Variants in SASH1 observed in about 807,000 individuals in gnomAD.
The protein encoded by SASH1 is SAM and SH3 domain containing 1.
Under a neutral mutation model 125.2 loss-of-function variants are expected in SASH1, and 44 were observed. That is an observed-to-expected ratio of 0.35 (90% CI 0.28 to 0.45). The LOEUF (loss-of-function observed/expected upper bound fraction) is 0.45. Among genes scored for constraint, SASH1 ranks in the 20% least tolerant of loss-of-function variants. The probability of loss-of-function intolerance (pLI) is 1.00; values close to 1 mark genes in which losing one functional copy is unlikely to be tolerated. For synonymous variants in SASH1, 639 were observed against 649.1 expected (o/e 0.98, Z 0.24); for missense variants, 1,426 against 1,614.5 (o/e 0.88, Z 2.00).
chr6:148,495,700 C>T lies in SASH1; in HGVS notation c.729+7985C>T, dbSNP rs1779279226. The stretch of plus-strand genomic sequence containing the variant: ...TTTATAGTTTTGCTGACTTGGATGG[C>T]AGTGAATATTGATTAGATGCATAAA... On this transcript the variant is annotated intron_variant, in intron 8 of 19. Coordinates refer to ENST00000367467, the MANE Select transcript of SASH1 (RefSeq NM_015278.5). The surrounding 1 kb of genome is among the most constrained non-coding windows in gnomAD (Gnocchi z 4.0). 6.6e-6 allele frequency among the ~76,000 whole-genome samples: 1 copy of T among 152,160 alleles called. No homozygotes were observed. Among genetic ancestry groups the T allele is most frequent in the Non-Finnish European group, 1.5e-5 (1 of 68,038 alleles).
At chr6:148,388,213 C>T (rs1189956709) in intron 1 of SASH1, among the ~76,000 whole-genome samples, 1 of 152,184 alleles carries the variant, frequency 6.6e-6, no homozygotes, top group Non-Finnish European at 1.5e-5. Context: ...CTGCGCCCGG[C>T]CCAGGTTCTG....
At chr6:148,205,000 A>G in the SASH1 span, among the ~76,000 whole-genome samples, 3 of 152,084 alleles carry the variant, frequency 2.0e-5, no homozygotes, top group Non-Finnish European at 4.4e-5. Flanking sequence ...AGATTGGGGT[A>G]TTATCTCTGT....
the SASH1 span, among the ~76,000 whole-genome samples, chr6:148,256,193 G>C: frequency 3.9e-4 from 60 of 152,152 alleles, no homozygotes; most frequent in Admixed American, 7.9e-4. Flanking sequence ...GCCATGGTCT[G>C]TAACTTGACA....
intron 1 of SASH1, among the ~76,000 whole-genome samples, chr6:148,330,284 T>C (rs924384100): frequency 6.6e-5 from 10 of 152,338 alleles, no homozygotes; most frequent in African/African-American, 2.4e-4. Context: ...CTGGGATTAA[T>C]TACGTGAGTG....
At chr6:148,376,611 T>G (rs1340427988) in intron 1 of SASH1, among the ~76,000 whole-genome samples, 2 of 151,970 alleles carry the variant, frequency 1.3e-5, no homozygotes, top group African/African-American at 4.8e-5. Context: ...CCTGTAATCC[T>G]AGCACTTTGG....
chr6:148,265,059 A>T, the SASH1 span, among the ~76,000 whole-genome samples: 21 of 152,358 alleles, frequency 1.4e-4, no homozygotes, highest in African/African-American at 5.0e-4. Context: ...TCTTTGTAGT[A>T]TATATAATAG....
In SASH1 at chr6:148,548,415, G is replaced by A. The variant is rs763573826; in HGVS notation, c.3601G>A (p.Ala1201Thr). The A allele has an allele frequency of 8.1e-6, 13 of 1,614,046 alleles. No homozygotes were observed. The East Asian group carries it at 1.1e-4, about 14-fold the overall frequency. The stretch of plus-strand genomic sequence containing the variant: ...CATGTACGCCGGCACCCTCTCCACC[G>A]CGGGCTTCAGCACACTGAGCCAAGT... ...LPMYAGTLST[A>T]GFSTLSQVPS... Residue 1201 changes from alanine (A) to threonine (T), a missense_variant, in exon 20 of 20, where the codon GCG (alanine) becomes ACG (threonine). This residue lies in a region of SASH1 where 634 missense variants were observed against 694.4 expected (regional missense o/e 0.91). Transcript: ENST00000367467.
chr6:148,517,648 T>TA (rs576488770), intron 9 of SASH1, among the ~76,000 whole-genome samples: 44 of 152,270 alleles, frequency 2.9e-4, no homozygotes, highest in African/African-American at 8.9e-4. Context: ...TGGGAAGCGT[T>TA]TGCTACATTT....
In SASH1 at chr6:148,468,699, G is replaced by A; in HGVS notation, c.427+114G>A. 3 of 674,140 alleles carry A rather than the reference G, an allele frequency of 4.5e-6. No individual in the cohort carries two copies. The South Asian group carries it at 6.2e-5, about 14-fold the overall frequency. 41.8% of individuals were successfully genotyped at this position (674,140 alleles called of 1,614,324 possible). A position where few individuals can be genotyped will look rare whatever the true frequency, so the allele number is the denominator to read the frequency against. On this transcript the variant is annotated intron_variant, in intron 5 of 19. Transcript: ENST00000367467. The stretch of plus-strand genomic sequence containing the variant: ...ATCCTTCTACTCAGAAATAAACACT[G>A]TTAAGATTTTGATGTACATCCTTAT...
the SASH1 span, among the ~76,000 whole-genome samples, chr6:148,255,125 T>C: frequency 6.6e-6 from 1 of 152,178 alleles, no homozygotes; most frequent in Admixed American, 6.5e-5. Context: ...ACATATTGCA[T>C]GAGTCCACTG....
the SASH1 span, among the ~76,000 whole-genome samples, chr6:148,234,802 G>A: frequency 6.6e-6 from 1 of 151,672 alleles, no homozygotes; most frequent in South Asian, 2.1e-4. Context: ...ACTCCAGCCT[G>A]GGCAAGAAGA....
At chr6:148,320,980 G>C (rs538906142) in intron 1 of SASH1, among the ~76,000 whole-genome samples, 2 of 152,308 alleles carry the variant, frequency 1.3e-5, no homozygotes, top group Admixed American at 6.5e-5. Context: ...CTTCCATAAT[G>C]CCTCAAGGCT....
chr6:148,283,174 C>T (rs559528906), intron 1 of SASH1, among the ~76,000 whole-genome samples: 1 of 152,178 alleles, frequency 6.6e-6, no homozygotes, highest in African/African-American at 2.4e-5. Flanking sequence ...ACTGTCCTCC[C>T]GTCTAGCTGA....
Position 148,417,116 on chromosome 6 carries a change from C to T in SASH1, c.286-23068C>T, listed in dbSNP as rs141555284. On this transcript the variant is annotated intron_variant, in intron 2 of 19. Coordinates refer to ENST00000367467, the MANE Select transcript of SASH1 (RefSeq NM_015278.5). ...GTGGAACCCCTGCCCTGGGAGAAGA[C>T]GAGGGTTATTGTGCAGTTACCAGAA... 4.3e-4 allele frequency among the ~76,000 whole-genome samples: 66 copies of T among 152,176 alleles called. 1 individual carries two copies. The highest frequency in any genetic ancestry group is 5.5e-4 in the African/African-American group (23 of 41,510).
intron 10 of SASH1, among the ~76,000 whole-genome samples, chr6:148,521,701 C>T (rs1780822828): frequency 6.6e-6 from 1 of 152,206 alleles, no homozygotes; most frequent in Admixed American, 6.5e-5. Flanking sequence ...CTCACTCATT[C>T]AGCCTCTGGT....
the SASH1 span, among the ~76,000 whole-genome samples, chr6:148,260,828 G>A: frequency 4.5e-4 from 62 of 136,392 alleles, no homozygotes; most frequent in African/African-American, 1.7e-3. Context: ...TTGAGAGAGG[G>A]TCTTGCTCTG....
the SASH1 span, among the ~76,000 whole-genome samples, chr6:148,242,997 G>C: frequency 6.6e-6 from 1 of 152,072 alleles, no homozygotes; most frequent in Non-Finnish European, 1.5e-5. Flanking sequence ...GGATGTTTTG[G>C]CTGGCTGATT....
chr6:148,302,839 T>C (rs867896378), intron 1 of SASH1, among the ~76,000 whole-genome samples: 4 of 107,196 alleles, frequency 3.7e-5, no homozygotes, highest in African/African-American at 1.4e-4. Context: ...TATATATATA[T>C]ATATACACAC....
intron 1 of SASH1, among the ~76,000 whole-genome samples, chr6:148,362,064 C>T (rs7769408): frequency 0.14 from 20,707 of 150,564 alleles, 1,795 homozygotes; most frequent in African/African-American, 0.22. Context: ...CAGACGCCCA[C>T]AACCACGCCC....
Sources: gnomAD v4.1 joint callset for allele counts (sites outside exome capture counted in the v4.1 genomes callset) on GRCh38, gnomAD v4.1.1 for gene constraint, gnomAD v4.1.1 regional missense constraint, Gnocchi (gnomAD v3.1) non-coding constraint, MANE v1.5 for transcripts, NCBI Gene and HGNC (gene_info 2026-07-23, HGNC 2026-07-21) for gene names.